The following LAMA4 variants were observed in gnomAD, a reference collection of about 807,000 sequenced individuals.
The protein encoded by LAMA4 is laminin subunit alpha 4.
LAMA4 carries 127 observed loss-of-function variants against 207.1 expected under a neutral mutation model. That is an observed-to-expected ratio of 0.61 (90% CI 0.53 to 0.71). LAMA4 has a LOEUF of 0.71. Among genes scored for constraint, LAMA4 ranks in the 30% least tolerant of loss-of-function variants. The pLI is 0.00. For synonymous variants in LAMA4, 761 were observed against 816.0 expected, an observed-to-expected ratio of 0.93 and a Z score of 1.15; for missense variants, 2,093 against 2,246.5, an observed-to-expected ratio of 0.93 and a Z score of 1.38.
intron 16 of LAMA4, among the ~76,000 whole-genome samples, 174 bp from the exon 17 acceptor site, chr6:112,150,801 G>A (rs1780354247): frequency 6.6e-6 from 1 of 152,126 alleles, no homozygotes; most frequent in African/African-American, 2.4e-5. Context: ...AAAATTCGAG[G>A]TACAGAATTG....
intron 31 of LAMA4, among the ~76,000 whole-genome samples, chr6:112,128,106 TA>T: frequency 6.6e-6 from 1 of 152,102 alleles, no homozygotes; most frequent in Non-Finnish European, 1.5e-5. Context: ...GACAAAAGCC[TA>T]AAATTGTTAC....
chr6:112,188,788 C>G (rs147890979), intron 7 of LAMA4: 3 of 289,956 alleles, frequency 1.0e-5, no homozygotes, highest in African/African-American at 6.4e-5. Flanking sequence ...CCTGAAGAGA[C>G]GATATAGGAA....
At chr6:112,241,425 C>T (rs1554187742) in intron 2 of LAMA4, among the ~76,000 whole-genome samples, 5 of 151,724 alleles carry the variant, frequency 3.3e-5, no homozygotes, top group South Asian at 4.2e-4. Context: ...TGCAGTAGTA[C>T]GGGAAACCTT....
At chr6:112,241,502 T>C (rs1269811859) in intron 2 of LAMA4, among the ~76,000 whole-genome samples, 1 of 152,036 alleles carries the variant, frequency 6.6e-6, no homozygotes, top group Non-Finnish European at 1.5e-5. Flanking sequence ...CATTATAATG[T>C]GAAGGTTAGG....
At chr6:112,116,272 T>A (rs1397022204) in intron 35 of LAMA4, among the ~76,000 whole-genome samples, 1 of 152,054 alleles carries the variant, frequency 6.6e-6, no homozygotes. Flanking sequence ...TAATTCCAAG[T>A]AGCAGCAGCA....
At chr6:112,234,180 G>A (rs1785737381) in intron 2 of LAMA4, 1 of 151,610 alleles carries the variant, frequency 6.6e-6, no homozygotes, top group Non-Finnish European at 1.5e-5. Flanking sequence ...TTTTCATTCT[G>A]CCGTTTGATG....
intron 2 of LAMA4, among the ~76,000 whole-genome samples, chr6:112,233,702 G>A (rs1194158561): frequency 1.3e-5 from 2 of 152,100 alleles, no homozygotes; most frequent in Non-Finnish European, 2.9e-5. Flanking sequence ...AAAGCATAGG[G>A]CAATTTTTAG....
At chr6:112,176,347 T>G (rs1782023955) in intron 10 of LAMA4, among the ~76,000 whole-genome samples, 1 of 152,242 alleles carries the variant, frequency 6.6e-6, no homozygotes, top group Non-Finnish European at 1.5e-5. Context: ...AGGAAGCATT[T>G]TATCTTGCTG....
At chr6:112,150,472 G>C (rs782432521) in intron 17 of LAMA4, 39 bp downstream of exon 17, 1 of 1,231,252 alleles carries the variant, frequency 8.1e-7, no homozygotes, top group South Asian at 1.2e-5. Flanking sequence ...ACACTCCAGT[G>C]AATCAACAGA....
intron 19 of LAMA4, among the ~76,000 whole-genome samples, chr6:112,144,445 A>T (rs1435038528): frequency 6.6e-6 from 1 of 152,246 alleles, no homozygotes; most frequent in Non-Finnish European, 1.5e-5. Flanking sequence ...GAACGAATTG[A>T]GGCTTTTATT....
chr6:112,217,185 T>G (rs782476053), intron 2 of LAMA4, among the ~76,000 whole-genome samples: 1 of 152,188 alleles, frequency 6.6e-6, no homozygotes, highest in Non-Finnish European at 1.5e-5. Flanking sequence ...TATCCTGTCA[T>G]GCACCAATTG....
At chr6:112,199,770 C>CT (rs11377610) in intron 5 of LAMA4, among the ~76,000 whole-genome samples, 53,691 of 147,048 alleles carry the variant, frequency 0.37, 9,814 homozygotes, top group Non-Finnish European at 0.39. Context: ...GATACTGTGG[C>CT]TTTTTTTTTT....
intron 2 of LAMA4, among the ~76,000 whole-genome samples, chr6:112,247,098 G>A (rs782225687): frequency 6.6e-6 from 1 of 152,194 alleles, no homozygotes. Flanking sequence ...CAGAGGCAGA[G>A]AGTGGAAAAA....
chr6:112,215,741 G>A (rs1319941591), intron 3 of LAMA4, among the ~76,000 whole-genome samples: 5 of 152,144 alleles, frequency 3.3e-5, no homozygotes, highest in Non-Finnish European at 7.4e-5. Context: ...TCTGCTGGAA[G>A]ACTTCTCAAT....
chr6:112,141,071 G>A, intron 21 of LAMA4, 149 bp from the exon 22 acceptor site: 1 of 749,604 alleles, frequency 1.3e-6, no homozygotes, highest in Non-Finnish European at 2.3e-6. Context: ...ATGAGAAAGA[G>A]AAGAAAGACA....
intron 18 of LAMA4, among the ~76,000 whole-genome samples, chr6:112,147,368 A>AT (rs1479108517): frequency 1.3e-5 from 2 of 152,200 alleles, no homozygotes; most frequent in Non-Finnish European, 2.9e-5. Context: ...GTAAATTGGA[A>AT]TAAAATTTGT....
chr6:112,114,630 G>T, intron 37 of LAMA4, 33 bp downstream of exon 37: 2 of 1,375,298 alleles, frequency 1.5e-6, no homozygotes, highest in Non-Finnish European at 1.0e-6. Flanking sequence ...ACAGTTGGGT[G>T]TGCAGGCTCC....
chr6:112,113,598 G>A (rs587632141), intron 38 of LAMA4, among the ~76,000 whole-genome samples: 48 of 152,266 alleles, frequency 3.2e-4, no homozygotes, highest in South Asian at 8.3e-4. Flanking sequence ...CCTCTCTGAG[G>A]GAATGTCACT....
chr6:112,201,555 A>G (rs1227497354), intron 5 of LAMA4, 53 bp downstream of exon 5: 5 of 1,425,498 alleles, frequency 3.5e-6, no homozygotes, highest in Non-Finnish European at 5.0e-6. Flanking sequence ...GAGTGTGAGA[A>G]ACAGAAAGCT....
Sources: gnomAD v4.1 joint callset for allele counts (sites outside exome capture counted in the v4.1 genomes callset) on GRCh38, gnomAD v4.1.1 for gene constraint, MANE v1.5 for transcripts, NCBI Gene and HGNC (gene_info 2026-07-23, HGNC 2026-07-21) for gene names.